Variants in KIF21A observed in about 807,000 individuals in gnomAD.
KIF21A encodes kinesin-like protein KIF21A.
Under a neutral mutation model 202.9 loss-of-function variants are expected in KIF21A, and 114 were observed. The ratio of observed to expected loss-of-function variants is 0.56; its 90% CI spans 0.48 to 0.66. The LOEUF is 0.66. Among genes scored for constraint, KIF21A ranks in the 30% least tolerant of loss-of-function variants. The pLI is 0.00. For synonymous variants in KIF21A, 667 were observed against 670.8 expected, an observed-to-expected ratio of 0.99 and a Z score of 0.09; for missense variants, 1,677 against 1,994.9, an observed-to-expected ratio of 0.84 and a Z score of 3.04.
chr12:39,416,689 A>ATATATATGTACATATATATGTGTG lies in KIF21A; in HGVS notation c.44+26237_44+26238insCACACATATATATGTACATATATA, dbSNP rs1566266737. On this transcript the variant is annotated intron_variant, in intron 1 of 37. Transcript: ENST00000361418. ...TATATATGTACATATATATGTGTGT[A>ATATATATGTACATATATATGTGTG]TATATATATGTACATATATATGTGT... Among the ~76,000 whole-genome samples, 16 of 94,744 alleles carry ATATATATGTACATATATATGTGTG rather than the reference A, an allele frequency of 1.7e-4. 1 individual carries two copies. The highest frequency in any genetic ancestry group is 7.9e-4 in the African/African-American group (11 of 13,970). The allele number at this position is 94,744 out of a possible 152,430, so 62.2% of individuals were successfully genotyped here.
Position 39,351,813 on chromosome 12 carries a change from T to A in KIF21A, c.1637A>T (p.Glu546Val). The A allele has an allele frequency of 6.3e-7, 1 of 1,597,556 alleles. No homozygotes were observed. Among genetic ancestry groups the A allele is most frequent in the Non-Finnish European group, 8.6e-7 (1 of 1,165,912 alleles). ...EIIDLAKKDL[E>V]KLKRKEKRKK... Reference sequence around the variant, plus strand: ...CCTCTTTTCTTTTCTTTTCAACTTCTCTAAATCTTTTTTTGCTAGGTCTAT... The same window carrying A: ...CCTCTTTTCTTTTCTTTTCAACTTCACTAAATCTTTTTTTGCTAGGTCTAT... Residue 546 changes from glutamate to valine, a missense_variant, in exon 11 of 38, where the codon GAG becomes GTG. Glu to Val is a moderately radical substitution (Grantham distance 121, BLOSUM62 -2). Coordinates refer to ENST00000361418, the MANE Select transcript of KIF21A (RefSeq NM_001173464.2).
rs1942033036 is a variant in KIF21A, at chr12:39,293,526, T to C, written c.*898A>G. The C allele has an allele frequency of 6.6e-6, 1 of 152,608 alleles. No homozygotes were observed. The highest frequency in any genetic ancestry group is 1.5e-5 in the Non-Finnish European group (1 of 68,018). The allele number at this position is 152,608 out of a possible 1,614,324, so 9.5% of individuals were successfully genotyped here. On this transcript the variant is annotated 3_prime_UTR_variant, in exon 38 of 38. Transcript: ENST00000361418. The stretch of plus-strand genomic sequence containing the variant: ...CCACAGATGATAATAGCTCTCATCA[T>C]AGCTACCAAGGTTCGCAAACATAGT...
rs370441394 is a variant in KIF21A, at chr12:39,332,377, T to C, written c.2888A>G (p.Lys963Arg). The change falls in exon 21 of 38, where the codon AAA (lysine) becomes AGA (arginine). Residue 963 changes from lysine to arginine, a missense_variant. By Grantham distance (26) the Lys-to-Arg change is conservative (BLOSUM62 2). Around this residue, in one of 3 missense-constraint regions of KIF21A, gnomAD observed 966 missense variants for 1,180.9 expected, o/e 0.82. Coordinates refer to ENST00000361418, the MANE Select transcript of KIF21A (RefSeq NM_001173464.2). The part of the protein sequence containing the change: ...QREELTKRRE[K>R]LSKRREKIVK... ...TATCTTCTCCCTTCTTTTTGAAAGT[T>C]TCTCTCGTCTTTTTGTGAGTTCCTC... is the stretch of plus-strand genomic sequence containing the variant. The C allele has an allele frequency of 5.1e-5, 82 of 1,613,966 alleles. No homozygotes were observed. Among genetic ancestry groups the C allele is most frequent in the Non-Finnish European group, 6.8e-5 (80 of 1,179,998 alleles).
intron 7 of KIF21A, among the ~76,000 whole-genome samples, chr12:39,361,116 C>G (rs1212369247): frequency 6.6e-6 from 1 of 152,176 alleles, no homozygotes; most frequent in Non-Finnish European, 1.5e-5. Flanking sequence ...AGCAGAAATT[C>G]AAGATCCACA....
intron 1 of KIF21A, among the ~76,000 whole-genome samples, chr12:39,388,522 A>G (rs962207026): frequency 2.6e-5 from 4 of 152,152 alleles, no homozygotes; most frequent in African/African-American, 9.7e-5. Context: ...ATCCATACAC[A>G]TTATATCAAT....
chr12:39,403,828 A>C (rs749360824), intron 1 of KIF21A, among the ~76,000 whole-genome samples: 2 of 152,234 alleles, frequency 1.3e-5, no homozygotes, highest in Non-Finnish European at 2.9e-5. Context: ...CTTAGTAGCA[A>C]AGTCTTACTT....
At chr12:39,362,944 T>G (rs902397369) in intron 7 of KIF21A, among the ~76,000 whole-genome samples, 154 bp downstream of exon 7, 5 of 152,180 alleles carry the variant, frequency 3.3e-5, no homozygotes, top group Admixed American at 6.5e-5. Flanking sequence ...CATACAAAAT[T>G]ATTCACACAT....
intron 1 of KIF21A, among the ~76,000 whole-genome samples, chr12:39,416,991 C>T (rs1285613232): frequency 6.6e-6 from 1 of 151,260 alleles, no homozygotes; most frequent in East Asian, 1.9e-4. Context: ...CAAATGTTAG[C>T]TATTAGTATC....
chr12:39,308,895 T>C (rs527670018), intron 33 of KIF21A, among the ~76,000 whole-genome samples: 18 of 152,312 alleles, frequency 1.2e-4, no homozygotes, highest in African/African-American at 4.3e-4. Flanking sequence ...GTCTCTACTA[T>C]CTCTACAAAT....
intron 1 of KIF21A, among the ~76,000 whole-genome samples, chr12:39,392,007 G>A (rs367558426): frequency 1.1e-3 from 164 of 152,036 alleles, no homozygotes; most frequent in African/African-American, 3.6e-3. Context: ...CAAAGTGCTG[G>A]GATTACAGGA....
intron 37 of KIF21A, among the ~76,000 whole-genome samples, chr12:39,298,048 A>G (rs932554257): frequency 6.6e-6 from 1 of 152,082 alleles, no homozygotes; most frequent in Non-Finnish European, 1.5e-5. Context: ...CCTATTGTAA[A>G]CAAAGAGAAA....
Position 39,326,278 on chromosome 12 carries a change from T to C in KIF21A, c.3387A>G (p.Pro1129=). Residue 1129 remains proline, a synonymous_variant, in exon 25 of 38, where the codon CCA becomes CCG. Transcript: ENST00000361418. ...GGCCTTCTTACCTTCCTTCTGATCC[T>C]GGGCTGTTTAAAGGAGCATCCTCAT... ...STDEDAPLNS[P]GSEGSTLSSD... The C allele has an allele frequency of 6.2e-7, 1 of 1,611,684 alleles. No homozygotes were observed. The highest frequency in any genetic ancestry group is 8.5e-7 in the Non-Finnish European group (1 of 1,178,034).
At chr12:39,385,966 A>G (rs529770560) in intron 1 of KIF21A, among the ~76,000 whole-genome samples, 39 of 152,270 alleles carry the variant, frequency 2.6e-4, no homozygotes, top group South Asian at 1.2e-3. Context: ...ATCCCACCCA[A>G]TAATTAATTT....
At chr12:39,441,660 T>TAAAAACAAAAAAAAAAAAAAA (rs1939604748) in intron 1 of KIF21A, among the ~76,000 whole-genome samples, 1 of 37,788 alleles carries the variant, frequency 2.6e-5, no homozygotes, top group Non-Finnish European at 5.6e-5. Context: ...CCCTGGGTGG[T>TAAAAACAAAAAAAAAAAAAAA]AAAAAAAAAA....
At chr12:39,388,925 T>C (rs7976275) in intron 1 of KIF21A, among the ~76,000 whole-genome samples, 19,695 of 152,122 alleles carry the variant, frequency 0.13, 1,367 homozygotes, top group African/African-American at 0.18. Flanking sequence ...CATTCTCTAA[T>C]AGAAATTTGT....
chr12:39,356,472 T>C (rs1051107828), intron 10 of KIF21A: 1 of 171,842 alleles, frequency 5.8e-6, no homozygotes, highest in Non-Finnish European at 1.2e-5. Flanking sequence ...TTGGAGATGA[T>C]GTGTAGATAT....
In KIF21A at chr12:39,330,832, G is replaced by A; in HGVS notation, c.3233C>T (p.Thr1078Ile). ...RLKQTEITSA[T>I]QNQLLFHMLK... ...CATATGGAATAAGAGCTGGTTTTGGGTAGCACTGGTTATTTCTGTTTGTTT... is the reference window on the plus strand; with the variant it reads ...CATATGGAATAAGAGCTGGTTTTGGATAGCACTGGTTATTTCTGTTTGTTT... The change falls in exon 23 of 38, where the codon ACC becomes ATC. Residue 1078 changes from threonine to isoleucine, a missense_variant. Coordinates refer to ENST00000361418, the MANE Select transcript of KIF21A (RefSeq NM_001173464.2). The A allele has an allele frequency of 6.2e-7, 1 of 1,613,916 alleles. No individual in the cohort carries two copies. The highest frequency in any genetic ancestry group is 8.5e-7 in the Non-Finnish European group (1 of 1,179,870).
chr12:39,332,936 C>A lies in KIF21A; in HGVS notation c.2659G>T (p.Ala887Ser). The stretch of plus-strand genomic sequence containing the variant: ...GGCGTTGGTAAGGCCTGGACTCTCG[C>A]CACAGGAATTCTCATTTTCTGCTGG... Reference protein sequence around the residue: ...GAQQKMRIPVARVQALPTPAT... With the variant: ...GAQQKMRIPVSRVQALPTPAT... Residue 887 changes from alanine (A) to serine (S), a missense_variant, in exon 19 of 38, where the codon GCG becomes TCG. Coordinates refer to ENST00000361418, the MANE Select transcript of KIF21A (RefSeq NM_001173464.2). 1 of 1,614,054 alleles carries A rather than the reference C, an allele frequency of 6.2e-7. No homozygotes were observed. Among genetic ancestry groups the A allele is most frequent in the Non-Finnish European group, 8.5e-7 (1 of 1,180,022 alleles).
At chr12:39,400,409 T>A (rs1162738266) in intron 1 of KIF21A, among the ~76,000 whole-genome samples, 1 of 152,176 alleles carries the variant, frequency 6.6e-6, no homozygotes, top group Non-Finnish European at 1.5e-5. Context: ...CAGCATCCAT[T>A]AGCTATTCTT....
Sources: gnomAD v4.1 joint callset for allele counts (sites outside exome capture counted in the v4.1 genomes callset) on GRCh38, gnomAD v4.1.1 for gene constraint, gnomAD v4.1.1 regional missense constraint, MANE v1.5 for transcripts, NCBI Gene and HGNC (gene_info 2026-07-23, HGNC 2026-07-21) for gene names.